CTNNA3: variants seen among roughly 807,000 people sequenced by gnomAD.
The protein encoded by CTNNA3 is catenin alpha 3, also known as catenin alpha-3.
Under a neutral mutation model 95.7 loss-of-function variants are expected in CTNNA3, and 76 were observed. That is an observed-to-expected ratio of 0.79 (90% CI 0.66 to 0.96). The LOEUF is 0.96. CTNNA3 is among the 40% of genes least tolerant of loss of function. The pLI is 0.00. For synonymous variants in CTNNA3, 431 were observed against 374.4 expected, an observed-to-expected ratio of 1.15 and a Z score of -1.74; for missense variants, 1,191 against 1,089.8, an observed-to-expected ratio of 1.09 and a Z score of -1.31.
intron 11 of CTNNA3, among the ~76,000 whole-genome samples, chr10:66,472,239 G>A (rs1365587026): frequency 6.6e-6 from 1 of 151,604 alleles, no homozygotes; most frequent in African/African-American, 2.4e-5. Flanking sequence ...TTTTTTTTAG[G>A]AGAGAAAAGT....
intron 7 of CTNNA3, among the ~76,000 whole-genome samples, chr10:67,137,982 C>T (rs1029111617): frequency 5.3e-5 from 8 of 151,734 alleles, no homozygotes; most frequent in African/African-American, 9.7e-5. Context: ...AGCTTATGCA[C>T]AAAATTGTGT....
At chr10:66,477,307 A>G (rs1322211449) in intron 11 of CTNNA3, among the ~76,000 whole-genome samples, 3 of 152,046 alleles carry the variant, frequency 2.0e-5, no homozygotes. Flanking sequence ...ATTTGGGTTT[A>G]TCTTTTGAAT....
At chr10:67,162,478 G>T (rs1372574847) in intron 7 of CTNNA3, among the ~76,000 whole-genome samples, 3 of 151,790 alleles carry the variant, frequency 2.0e-5, no homozygotes, top group African/African-American at 7.3e-5. Flanking sequence ...ATTGATTATT[G>T]AAAGACAACA....
chr10:67,177,705 A>G (rs189538185), intron 7 of CTNNA3, among the ~76,000 whole-genome samples: 176 of 152,314 alleles, frequency 1.2e-3, no homozygotes, highest in Non-Finnish European at 2.0e-3. Flanking sequence ...AACTGATGCA[A>G]CAGCTATAAA....
intron 7 of CTNNA3, among the ~76,000 whole-genome samples, chr10:67,041,247 G>C (rs932193833): frequency 6.6e-6 from 1 of 152,096 alleles, no homozygotes; most frequent in African/African-American, 2.4e-5. Flanking sequence ...GCTAGTGTTA[G>C]AATGTGAACC....
chr10:66,559,919 C>T (rs904518082), intron 10 of CTNNA3, among the ~76,000 whole-genome samples: 2 of 152,072 alleles, frequency 1.3e-5, no homozygotes, highest in African/African-American at 4.8e-5. Context: ...TCTGTCTCCA[C>T]TTCTACATCA....
At chr10:67,273,802 A>G (rs556631745) in intron 5 of CTNNA3, among the ~76,000 whole-genome samples, 24 of 152,336 alleles carry the variant, frequency 1.6e-4, no homozygotes, top group African/African-American at 5.5e-4. Context: ...GTGAAAGAAG[A>G]CTTACACAAA....
chr10:66,820,411 G>A lies in CTNNA3; in HGVS notation c.1048-44887C>T, dbSNP rs368601998. Among the ~76,000 whole-genome samples the A allele has an allele frequency of 4.6e-5, 7 of 152,028 alleles. No homozygotes were observed. The East Asian group carries it at 1.4e-3, about 29-fold the overall frequency. ...ATACTAGTATTAGATAATGATCATA[G>A]CTGCACAATTTTGTGAATATATTAA... On this transcript the variant is annotated intron_variant, in intron 7 of 17. Transcript: ENST00000433211.
At chr10:66,470,800 A>G (rs1352641630) in intron 11 of CTNNA3, among the ~76,000 whole-genome samples, 1 of 151,892 alleles carries the variant, frequency 6.6e-6, no homozygotes. Context: ...AGCACTGAAC[A>G]TTTAGTAATT....
intron 13 of CTNNA3, among the ~76,000 whole-genome samples, chr10:66,266,317 T>C (rs2091157751): frequency 6.6e-6 from 1 of 151,876 alleles, no homozygotes; most frequent in African/African-American, 2.4e-5. Context: ...AGGATCAAGG[T>C]CTTCTGATTT....
At chr10:66,190,842 G>A (rs1417230111) in intron 13 of CTNNA3, among the ~76,000 whole-genome samples, 1 of 152,012 alleles carries the variant, frequency 6.6e-6, no homozygotes, top group Admixed American at 6.6e-5. Flanking sequence ...CCCAAAAGAT[G>A]TTGCCTACCT....
At chr10:67,312,408 T>C (rs1442038142) in intron 5 of CTNNA3, among the ~76,000 whole-genome samples, 1 of 152,168 alleles carries the variant, frequency 6.6e-6, no homozygotes, top group African/African-American at 2.4e-5. Flanking sequence ...TTTAAGTGTA[T>C]CTTGGCTTTC....
At chr10:66,697,777 G>A (rs75645539) in intron 9 of CTNNA3, among the ~76,000 whole-genome samples, 2,091 of 152,142 alleles carry the variant, frequency 0.014, 60 homozygotes, top group African/African-American at 0.044. Flanking sequence ...TCAAGGATTC[G>A]TGAATGAGTA....
intron 7 of CTNNA3, among the ~76,000 whole-genome samples, chr10:66,808,292 T>C (rs1362169267): frequency 6.6e-6 from 1 of 152,174 alleles, no homozygotes; most frequent in Non-Finnish European, 1.5e-5. Flanking sequence ...GACCAGAGCA[T>C]ACCATTTAGC....
At position 66,466,395 on chromosome 10, in the gene CTNNA3, C is replaced by T. The variant is rs113922905; in HGVS notation, c.1531+54222G>A. ...ACACAATCTATTGGTTCTGTTTCCC[C>T]GGAGAACTCCGACCAATATACTTTC... On this transcript the variant is annotated intron_variant, in intron 11 of 17. Transcript: ENST00000433211. Among the ~76,000 whole-genome samples the T allele has an allele frequency of 1.1e-4, 17 of 148,328 alleles. 1 individual carries two copies. The highest frequency in any genetic ancestry group is 2.2e-4 in the African/African-American group (9 of 40,218).
intron 7 of CTNNA3, among the ~76,000 whole-genome samples, chr10:66,805,898 G>C (rs142018145): frequency 6.6e-6 from 1 of 152,056 alleles, no homozygotes; most frequent in African/African-American, 2.4e-5. Flanking sequence ...AGTATTTATC[G>C]ATCAAGTTCC....
chr10:67,204,666 C>T (rs183105357), intron 6 of CTNNA3, among the ~76,000 whole-genome samples: 7 of 152,264 alleles, frequency 4.6e-5, no homozygotes, highest in East Asian at 3.9e-4. Flanking sequence ...AGTCCGGAAA[C>T]GACCCAATGG....
Position 66,483,845 on chromosome 10 carries a change from C to T in CTNNA3, c.1531+36772G>A, listed in dbSNP as rs140986763. Among the ~76,000 whole-genome samples the T allele has an allele frequency of 5.3e-3, 808 of 151,856 alleles. 2 individuals are homozygous for T. The highest frequency in any genetic ancestry group is 0.018 in the African/African-American group (763 of 41,404). On this transcript the variant is annotated intron_variant, in intron 11 of 17. Transcript: ENST00000433211. ...GGCTAATGAACACTAGTTTCCATTGCCAAGAATTAGATTAACTTAAAAGAA... is the reference window on the plus strand; with the variant it reads ...GGCTAATGAACACTAGTTTCCATTGTCAAGAATTAGATTAACTTAAAAGAA...
intron 3 of CTNNA3, among the ~76,000 whole-genome samples, chr10:67,603,737 T>A (rs780994819): frequency 1.1e-4 from 16 of 152,170 alleles, no homozygotes; most frequent in Non-Finnish European, 2.2e-4. Context: ...AAGTTAAAAA[T>A]TTTTTAAGTT....
Sources: gnomAD v4.1 joint callset for allele counts (sites outside exome capture counted in the v4.1 genomes callset) on GRCh38, gnomAD v4.1.1 for gene constraint, MANE v1.5 for transcripts, NCBI Gene and HGNC (gene_info 2026-07-23, HGNC 2026-07-21) for gene names.